The following MTMR10 variants were observed in gnomAD, a reference collection of about 807,000 sequenced individuals.
The protein encoded by MTMR10 is myotubularin related protein 10.
A neutral mutation model predicts 88.1 loss-of-function variants in MTMR10; 56 were observed. The ratio of observed to expected loss-of-function variants is 0.64; its 90% confidence interval spans 0.51 to 0.79. The LOEUF is 0.79. MTMR10 is among the 30% of genes least tolerant of loss of function. MTMR10 has a pLI of 0.00. For missense variants in MTMR10, 883 were observed against 924.7 expected (o/e 0.95, Z 0.58); for synonymous variants, 380 against 340.9 (o/e 1.11, Z -1.26).
At chr15:30,938,795 T>TA (rs561489357), downstream of MTMR10, 369 of 514,034 alleles carry the variant, frequency 7.2e-4, 1 homozygote, top group African/African-American at 3.5e-3. Context: ...GAATTGCTGT[T>TA]AAAAAAAGTT....
At chr15:30,937,146 C>T (rs137906418), downstream of MTMR10, 40 of 1,613,406 alleles carry the variant, frequency 2.5e-5, no homozygotes, top group Middle Eastern at 3.3e-4. Flanking sequence ...CCCCAATGAT[C>T]GTCTTTCACA....
At chr15:30,930,103 G>A in the MTMR10 span, among the ~76,000 whole-genome samples, 2 of 149,530 alleles carry the variant, frequency 1.3e-5, no homozygotes, top group Non-Finnish European at 3.0e-5. Flanking sequence ...GTTAGTGATG[G>A]AAACATACTA....
chr15:30,986,773 T>C (rs558951260), intron 2 of MTMR10, among the ~76,000 whole-genome samples: 140 of 152,176 alleles, frequency 9.2e-4, no homozygotes, highest in Non-Finnish European at 1.8e-3. Flanking sequence ...TCTTCTACCT[T>C]GTCAACAGGC....
chr15:30,990,730 C>CAAAAT (rs1054429958), intron 2 of MTMR10, 47 bp downstream of exon 2: 2 of 1,528,668 alleles, frequency 1.3e-6, no homozygotes, highest in African/African-American at 2.7e-5. Context: ...AATCTTAAAC[C>CAAAAT]AAAATACGTT....
chr15:30,944,032 C>T (rs1384322466), intron 14 of MTMR10: 1 of 980,834 alleles, frequency 1.0e-6, no homozygotes, highest in Admixed American at 6.2e-5. Context: ...AAAAAAAAAC[C>T]CCCAAGAATT....
intron 6 of MTMR10, 80 bp from the exon 7 acceptor site, chr15:30,961,153 T>C: frequency 1.4e-6 from 2 of 1,476,880 alleles, no homozygotes; most frequent in South Asian, 2.7e-5. Context: ...TCCTGTCACA[T>C]GCATACTCTG....
At chr15:30,968,577 A>G (rs1171049253) in intron 5 of MTMR10, among the ~76,000 whole-genome samples, 1 of 149,292 alleles carries the variant, frequency 6.7e-6, no homozygotes, top group East Asian at 2.0e-4. Context: ...ACACACACAC[A>G]AACTGTGTTT....
At position 30,987,151 on chromosome 15, in the gene MTMR10, G is replaced by A. The variant is rs907707146; in HGVS notation, c.121+3626C>T. 1.2e-4 allele frequency among the ~76,000 whole-genome samples: 18 copies of A among 152,320 alleles called. 1 individual carries two copies. In the South Asian group the frequency reaches 2.7e-3, roughly 23 times the overall value. The stretch of plus-strand genomic sequence containing the variant: ...GTACTCTATTTCAATTCCAGGCTCC[G>A]ACATAAATCTCTTGAAATGTCTGGC... On this transcript the variant is annotated intron_variant, in intron 2 of 15. Coordinates refer to ENST00000435680, the MANE Select transcript of MTMR10 (RefSeq NM_017762.3).
intron 3 of MTMR10, among the ~76,000 whole-genome samples, chr15:30,976,275 A>C (rs982912871): frequency 6.6e-6 from 1 of 151,866 alleles, no homozygotes; most frequent in Non-Finnish European, 1.5e-5. Context: ...GGTGGCATGC[A>C]CCTGTAGTCC....
chr15:30,955,998 GTTGT>G (rs1438742818), intron 9 of MTMR10, among the ~76,000 whole-genome samples: 5 of 54,346 alleles, frequency 9.2e-5, no homozygotes, highest in East Asian at 2.2e-3. Flanking sequence ...AAACCCTGCT[GTTGT>G]TTTTTTTTTT....
Position 30,939,823 on chromosome 15 carries a change from G to T in MTMR10, c.*1647C>A. On this transcript the variant is annotated 3_prime_UTR_variant, in exon 16 of 16. Transcript: ENST00000435680. ...AGATTGGGTCTGGTTTCTAATCAAG[G>T]ACTGTAAAATGTTTAATAATTCTAT... 1 of 985,166 alleles carries T rather than the reference G, an allele frequency of 1.0e-6. No homozygotes were observed. The highest frequency in any genetic ancestry group is 1.2e-6 in the Non-Finnish European group (1 of 829,702). The allele number at this position is 985,166 out of a possible 1,614,324, so 61.0% of individuals were successfully genotyped here. A position where few individuals can be genotyped will look rare whatever the true frequency, so the allele number is the denominator to read the frequency against.
At chr15:30,952,497 T>C (rs895494904) in intron 11 of MTMR10, among the ~76,000 whole-genome samples, 1 of 151,870 alleles carries the variant, frequency 6.6e-6, no homozygotes, top group Non-Finnish European at 1.5e-5. Flanking sequence ...CCTGAGCAGC[T>C]AGGACCACAG....
the MTMR10 span, chr15:30,925,421 G>T: frequency 1.1e-6 from 1 of 910,382 alleles, no homozygotes; most frequent in South Asian, 1.7e-5. Context: ...AACTCGTTTT[G>T]GACGGCTGTG....
At chr15:30,985,817 T>C (rs1207683050) in intron 2 of MTMR10, among the ~76,000 whole-genome samples, 3 of 152,180 alleles carry the variant, frequency 2.0e-5, no homozygotes, top group Non-Finnish European at 4.4e-5. Context: ...CAACAGATTC[T>C]TCTGGAACTG....
rs553751221 is a variant in MTMR10, at chr15:30,940,893, A to G, written c.*577T>C. 8.5e-5 allele frequency: 87 copies of G among 1,023,134 alleles called. No individual in the cohort carries two copies. The African/African-American group carries it at 1.4e-3, about 17-fold the overall frequency. The allele number at this position is 1,023,134 out of a possible 1,614,324, so 63.4% of individuals were successfully genotyped here. A position where few individuals can be genotyped will look rare whatever the true frequency, so the allele number is the denominator to read the frequency against. On this transcript the variant is annotated 3_prime_UTR_variant, in exon 16 of 16. Coordinates refer to ENST00000435680, the MANE Select transcript of MTMR10 (RefSeq NM_017762.3). Reference sequence around the variant, plus strand: ...TGCATATCATTTTAAAGTTGACCCTATGAAGTTAAAAGCAAACTCATGATT... The same window carrying G: ...TGCATATCATTTTAAAGTTGACCCTGTGAAGTTAAAAGCAAACTCATGATT...
intron 2 of MTMR10, among the ~76,000 whole-genome samples, chr15:30,978,440 T>C (rs1319600148): frequency 6.6e-6 from 1 of 152,164 alleles, no homozygotes; most frequent in Non-Finnish European, 1.5e-5. Flanking sequence ...CACCATGAGT[T>C]GGGCAGAAGT....
At chr15:30,938,109 G>A (rs1020500929), downstream of MTMR10, among the ~76,000 whole-genome samples, 3 of 151,900 alleles carry the variant, frequency 2.0e-5, no homozygotes, top group East Asian at 2.0e-4. Context: ...GCGTGAACCC[G>A]GGAGGTGGAG....
chr15:30,975,418 AG>A (rs1189034715), intron 3 of MTMR10, among the ~76,000 whole-genome samples: 2 of 152,122 alleles, frequency 1.3e-5, no homozygotes, highest in Non-Finnish European at 2.9e-5. Flanking sequence ...CCATTAGAAA[AG>A]GTTTTGCATG....
Position 30,940,010 on chromosome 15 carries a change from C to T in MTMR10, c.*1460G>A, listed in dbSNP as rs1441112500. The stretch of plus-strand genomic sequence containing the variant: ...AAAAGGCAAATAATTCAAAAAGAAA[C>T]AGCTATTCAGTACATATAAAGGTAA... On this transcript the variant is annotated 3_prime_UTR_variant, in exon 16 of 16. Transcript: ENST00000435680. 1.0e-6 allele frequency: 1 copy of T among 975,468 alleles called. No homozygotes were observed. Among genetic ancestry groups the T allele is most frequent in the Non-Finnish European group, 1.2e-6 (1 of 821,116 alleles). 60.4% of individuals were successfully genotyped at this position (975,468 alleles called of 1,614,324 possible). A position where few individuals can be genotyped will look rare whatever the true frequency, so the allele number is the denominator to read the frequency against.
Sources: allele counts gnomAD v4.1 joint callset (sites outside exome capture counted in the v4.1 genomes callset), GRCh38; gene constraint gnomAD v4.1.1; transcripts MANE v1.5; gene names NCBI Gene and HGNC (gene_info 2026-07-23, HGNC 2026-07-21).